FBXL17: variants seen among roughly 807,000 people sequenced by gnomAD.
FBXL17 encodes F-box/LRR-repeat protein 17.
A neutral mutation model predicts 66.2 loss-of-function variants in FBXL17; 22 were observed. The observed-to-expected ratio is 0.33, with a 90% CI of 0.24 to 0.47. FBXL17 has a LOEUF of 0.47. FBXL17 is among the 20% of genes least tolerant of loss of function. The pLI is 1.00. For synonymous variants in FBXL17, 474 were observed against 400.5 expected, an observed-to-expected ratio of 1.18 and a Z score of -2.19; for missense variants, 878 against 948.2, an observed-to-expected ratio of 0.93 and a Z score of 0.97.
intron 7 of FBXL17, among the ~76,000 whole-genome samples, chr5:107,935,243 T>C (rs539467968): frequency 1.6e-4 from 24 of 152,260 alleles, no homozygotes; most frequent in Admixed American, 9.8e-4. Context: ...GATTTGAAAG[T>C]GACTGCTGTC....
intron 6 of FBXL17, among the ~76,000 whole-genome samples, chr5:108,117,766 C>G (rs1750320954): frequency 6.6e-6 from 1 of 151,994 alleles, no homozygotes; most frequent in African/African-American, 2.4e-5. Context: ...AAATCCCTGG[C>G]CTATATTATA....
At chr5:107,940,738 G>T (rs1466610351) in intron 7 of FBXL17, among the ~76,000 whole-genome samples, 2 of 152,102 alleles carry the variant, frequency 1.3e-5, no homozygotes, top group Non-Finnish European at 2.9e-5. Context: ...GGCTGTTGAG[G>T]AAAGGTTTTA....
intron 6 of FBXL17, among the ~76,000 whole-genome samples, chr5:108,124,178 C>T (rs1750608952): frequency 6.6e-6 from 1 of 151,876 alleles, no homozygotes; most frequent in Admixed American, 6.6e-5. Context: ...TTAAACATTG[C>T]AAATTTCAGG....
At chr5:108,254,002 G>A (rs1222173000) in intron 4 of FBXL17, among the ~76,000 whole-genome samples, 1 of 152,046 alleles carries the variant, frequency 6.6e-6, no homozygotes, top group Non-Finnish European at 1.5e-5. Context: ...AAACTGTAAA[G>A]AGGTATCCAC....
chr5:108,375,846 G>A (rs1366430188), intron 1 of FBXL17, among the ~76,000 whole-genome samples: 1 of 152,108 alleles, frequency 6.6e-6, no homozygotes. Context: ...TGTCCCTTAT[G>A]AATACCGATG....
chr5:107,919,564 C>T (rs1364319057), intron 7 of FBXL17, among the ~76,000 whole-genome samples: 2 of 152,180 alleles, frequency 1.3e-5, no homozygotes, highest in Non-Finnish European at 2.9e-5. Flanking sequence ...AACTCTACTG[C>T]TCTCGCTCTT....
intron 6 of FBXL17, among the ~76,000 whole-genome samples, chr5:108,104,174 T>C (rs570939670): frequency 6.6e-6 from 1 of 152,184 alleles, no homozygotes; most frequent in South Asian, 2.1e-4. Context: ...TAGCAGGGAT[T>C]ACAGTCATGC....
At chr5:108,054,138 T>TA (rs759089876) in intron 6 of FBXL17, among the ~76,000 whole-genome samples, 30 of 151,342 alleles carry the variant, frequency 2.0e-4, no homozygotes, top group Non-Finnish European at 3.8e-4. Flanking sequence ...GGAGGGAACT[T>TA]AGAGGATGGG....
At position 108,353,984 on chromosome 5, in the gene FBXL17, T is replaced by C. The variant is rs76476498; in HGVS notation, c.1375-5454A>G. On this transcript the variant is annotated intron_variant, in intron 3 of 8. Coordinates refer to ENST00000542267, the MANE Select transcript of FBXL17 (RefSeq NM_001163315.3). The stretch of plus-strand genomic sequence containing the variant: ...TTAATTGTTGGATTTTTTTCAGATT[T>C]TTGAATATTTGCATTACATTTATCA... Among the ~76,000 whole-genome samples the C allele has an allele frequency of 3.2e-3, 485 of 152,320 alleles. 3 individuals carry two copies. Among genetic ancestry groups the C allele is most frequent in the African/African-American group, 0.011 (470 of 41,562 alleles).
At chr5:107,908,780 G>A (rs992310577) in intron 7 of FBXL17, among the ~76,000 whole-genome samples, 1 of 152,140 alleles carries the variant, frequency 6.6e-6, no homozygotes, top group African/African-American at 2.4e-5. Flanking sequence ...TCTCTGGAAA[G>A]AAACCGCTAG....
At chr5:108,009,292 T>TAGATAGATAG (rs1182877374) in intron 7 of FBXL17, among the ~76,000 whole-genome samples, 2 of 35,942 alleles carry the variant, frequency 5.6e-5, no homozygotes, top group African/African-American at 8.2e-5. Flanking sequence ...TATATATATA[T>TAGATAGATAG]ATATATATAC....
At chr5:108,176,508 G>A (rs909719744) in intron 6 of FBXL17, among the ~76,000 whole-genome samples, 8 of 152,104 alleles carry the variant, frequency 5.3e-5, no homozygotes, top group African/African-American at 1.4e-4. Context: ...ACCATTACAT[G>A]TTAGGACCAT....
chr5:107,915,128 A>C (rs562656635), intron 7 of FBXL17, among the ~76,000 whole-genome samples: 1 of 152,276 alleles, frequency 6.6e-6, no homozygotes, highest in East Asian at 1.9e-4. Flanking sequence ...ATTTGCTTAG[A>C]CCCAAGCATC....
chr5:108,041,801 A>G (rs1253648794), intron 6 of FBXL17, among the ~76,000 whole-genome samples: 6 of 152,174 alleles, frequency 3.9e-5, no homozygotes, highest in African/African-American at 1.4e-4. Flanking sequence ...AAAAAGTTGA[A>G]AGAATTTTAT....
chr5:108,201,865 A>AC (rs1432166368), intron 5 of FBXL17, among the ~76,000 whole-genome samples: 1 of 151,590 alleles, frequency 6.6e-6, no homozygotes, highest in Non-Finnish European at 1.5e-5. Context: ...AAAAAAAAAA[A>AC]AAAAAAATGA....
Position 108,165,666 on chromosome 5 carries a change from G to A in FBXL17, c.1745+20451C>T, listed in dbSNP as rs114031765. 1.5e-3 allele frequency among the ~76,000 whole-genome samples: 228 copies of A among 152,286 alleles called. 1 individual carries two copies. The highest frequency in any genetic ancestry group is 5.3e-3 in the African/African-American group (221 of 41,560). On this transcript the variant is annotated intron_variant, in intron 6 of 8. Coordinates refer to ENST00000542267, the MANE Select transcript of FBXL17 (RefSeq NM_001163315.3). ...TCTGGACAGGTCACAGATTATCCTT[G>A]AGCCTTAGTTTCAAAATAGCAAAAT...
At chr5:108,294,282 GA>G (rs397882564) in intron 4 of FBXL17, among the ~76,000 whole-genome samples, 41,022 of 136,714 alleles carry the variant, frequency 0.3, 6,354 homozygotes, top group African/African-American at 0.42. Context: ...TATATATACT[GA>G]AAAAAAAAAA....
intron 6 of FBXL17, among the ~76,000 whole-genome samples, chr5:108,032,084 T>A (rs781773143): frequency 6.6e-6 from 1 of 152,162 alleles, no homozygotes; most frequent in African/African-American, 2.4e-5. Context: ...GAATTCACAA[T>A]CTTCTCAACT....
intron 5 of FBXL17, among the ~76,000 whole-genome samples, chr5:108,200,352 T>C (rs896779211): frequency 6.6e-6 from 1 of 151,824 alleles, no homozygotes; most frequent in African/African-American, 2.4e-5. Context: ...GCAAGCAGCA[T>C]GAAGCAAAAG....
Sources: gnomAD v4.1 joint callset for allele counts (sites outside exome capture counted in the v4.1 genomes callset) on GRCh38, gnomAD v4.1.1 for gene constraint, MANE v1.5 for transcripts, NCBI Gene and HGNC (gene_info 2026-07-23, HGNC 2026-07-21) for gene names.